The following PCDHA3 variants were observed in gnomAD, a reference collection of about 807,000 sequenced individuals.
The protein encoded by PCDHA3 is protocadherin alpha-3.
In PCDHA3, 41 loss-of-function variants were observed where a neutral mutation model predicts 62.2. That is an observed-to-expected ratio of 0.66 (90% CI 0.51 to 0.86). The LOEUF is 0.86. Ranked by LOEUF, PCDHA3 falls within the 40% of genes least tolerant of loss-of-function variation. The pLI is 0.00. For missense variants in PCDHA3, 1,304 were observed against 1,241.2 expected (o/e 1.05, Z -0.76); for synonymous variants, 640 against 555.4 (o/e 1.15, Z -2.14).
chr5:141,001,461 C>G (rs2098019350), intron 3 of PCDHA3, among the ~76,000 whole-genome samples: 1 of 152,214 alleles, frequency 6.6e-6, no homozygotes, highest in South Asian at 2.1e-4. Context: ...AATTGAAGGA[C>G]TAAGCAGCAG....
At chr5:141,006,528 T>A (rs1161709459) in intron 3 of PCDHA3, among the ~76,000 whole-genome samples, 1 of 152,092 alleles carries the variant, frequency 6.6e-6, no homozygotes, top group African/African-American at 2.4e-5. Context: ...ACATCAGTTT[T>A]TAAAGAGAGA....
rs1296767379 is a variant in PCDHA3 at position 140,898,372 on chromosome 5, T to C, written c.2395-80577T>C. ...ATCTTGAATTAATTTTTGTATAAGG[T>C]GTAAGGAAGGGATCCAGTTTCAGCT... On this transcript the variant is annotated intron_variant, in intron 1 of 3. Coordinates refer to ENST00000522353, the MANE Select transcript of PCDHA3 (RefSeq NM_018906.3). Among the ~76,000 whole-genome samples, 5 of 152,320 alleles carry C rather than the reference T, an allele frequency of 3.3e-5. No individual in the cohort carries two copies. In the East Asian group the frequency reaches 9.6e-4, roughly 29 times the overall value.
intron 1 of PCDHA3, chr5:140,842,822 G>A (rs2150345251): frequency 1.9e-6 from 3 of 1,593,810 alleles, no homozygotes; most frequent in South Asian, 2.2e-5. Context: ...GCGGGTGGGC[G>A]AGCGCTCGCT....
At chr5:140,854,883 G>A (rs1356000756) in intron 1 of PCDHA3, among the ~76,000 whole-genome samples, 2 of 149,592 alleles carry the variant, frequency 1.3e-5, no homozygotes, top group Admixed American at 1.3e-4. Flanking sequence ...TGTCTTTTGG[G>A]CATTTGAAAA....
intron 1 of PCDHA3, chr5:140,830,337 C>G: frequency 6.2e-7 from 1 of 1,614,048 alleles, no homozygotes; most frequent in Non-Finnish European, 8.5e-7. Flanking sequence ...GGGAGCTGGT[C>G]GTACTCGCAG....
chr5:140,843,088 C>A (rs1554139726), intron 1 of PCDHA3: 4 of 1,595,530 alleles, frequency 2.5e-6, no homozygotes, highest in African/African-American at 1.3e-5. Context: ...GCGCGGGCCA[C>A]GTGGTAGCGA....
intron 1 of PCDHA3, among the ~76,000 whole-genome samples, chr5:140,879,490 C>T (rs2058010245): frequency 2.0e-5 from 3 of 152,090 alleles, no homozygotes; most frequent in Admixed American, 2.0e-4. Flanking sequence ...AAATATGGGT[C>T]TGGATCTCAG....
rs782398517 is a variant in PCDHA3, at chr5:140,857,600, G to A, written c.2394+54009G>A. The A allele has an allele frequency of 5.0e-6, 8 of 1,596,228 alleles. No homozygotes were observed. In the African/African-American group the frequency reaches 9.4e-5, roughly 19 times the overall value. ...GCACGCGGAGAGCGGCAAGGTGTAC[G>A]CGCTGCAGCCGCTGGACCACGAGGA... is the stretch of plus-strand genomic sequence containing the variant. On this transcript the variant is annotated intron_variant, in intron 1 of 3. Transcript: ENST00000522353.
chr5:140,848,600 C>A lies in PCDHA3; in HGVS notation c.2394+45009C>A, dbSNP rs2150414065. On this transcript the variant is annotated intron_variant, in intron 1 of 3. Transcript: ENST00000522353. The stretch of plus-strand genomic sequence containing the variant: ...GGAGCGGCCAGCTCCACTACTCCGT[C>A]CCGGAGGAAGCCGAACACGGCACCT... 2.5e-6 allele frequency: 4 copies of A among 1,593,634 alleles called. 1 individual carries two copies. The highest frequency in any genetic ancestry group is 3.4e-6 in the Non-Finnish European group (4 of 1,164,058).
intron 1 of PCDHA3, chr5:140,807,110 A>T: frequency 6.7e-7 from 1 of 1,493,414 alleles, no homozygotes; most frequent in Non-Finnish European, 9.1e-7. Context: ...ATGCAGCTGC[A>T]CTTGACTGAC....
intron 1 of PCDHA3, among the ~76,000 whole-genome samples, chr5:140,953,875 C>T (rs1054189459): frequency 4.6e-5 from 7 of 152,088 alleles, no homozygotes; most frequent in Admixed American, 4.6e-4. Context: ...CTGCACAGAT[C>T]AACCCATCAC....
chr5:140,844,739 T>G (rs1370806912), intron 1 of PCDHA3, among the ~76,000 whole-genome samples: 1 of 149,606 alleles, frequency 6.7e-6, no homozygotes, highest in Non-Finnish European at 1.5e-5. Context: ...ATATTTAGTA[T>G]TATGGGATAA....
rs569501434 is a variant in PCDHA3 at position 140,980,458 on chromosome 5, T to C, written c.2453+1451T>C. Among the ~76,000 whole-genome samples the C allele has an allele frequency of 1.6e-4, 25 of 152,264 alleles. No individual in the cohort carries two copies. The South Asian group carries it at 2.7e-3, about 16-fold the overall frequency. ...CATCCTGGACAACACGGTGAAACCC[T>C]GTCTCTACTAAAAATACAAAAATTA... On this transcript the variant is annotated intron_variant, in intron 2 of 3. Coordinates refer to ENST00000522353, the MANE Select transcript of PCDHA3 (RefSeq NM_018906.3).
intron 1 of PCDHA3, chr5:140,830,054 G>A (rs2150180380): frequency 4.3e-6 from 7 of 1,613,740 alleles, no homozygotes; most frequent in South Asian, 1.1e-5. Flanking sequence ...GAAAGACCAC[G>A]GTGAGCCGGC....
chr5:140,859,875 T>G (rs1554152798), intron 1 of PCDHA3: 1 of 152,066 alleles, frequency 6.6e-6, no homozygotes, highest in East Asian at 1.9e-4. Flanking sequence ...CTTCCCCCTC[T>G]GATATTTTGA....
At chr5:140,855,048 A>G (rs2043321235) in intron 1 of PCDHA3, among the ~76,000 whole-genome samples, 1 of 149,960 alleles carries the variant, frequency 6.7e-6, no homozygotes, top group Admixed American at 6.7e-5. Flanking sequence ...CTGTAATAGT[A>G]CTTTTCTGTT....
intron 1 of PCDHA3, among the ~76,000 whole-genome samples, chr5:140,873,389 T>C (rs2054266406): frequency 6.6e-6 from 1 of 152,220 alleles, no homozygotes; most frequent in Admixed American, 6.5e-5. Flanking sequence ...GACTTGGGAA[T>C]GTTTTCAGTA....
intron 1 of PCDHA3, chr5:140,877,564 G>A (rs782415331): frequency 1.2e-5 from 20 of 1,613,652 alleles, no homozygotes; most frequent in Middle Eastern, 3.3e-4. Context: ...GGATATTAAC[G>A]TGTACCTCAT....
At chr5:140,807,997 C>A (rs1562213724) in intron 1 of PCDHA3, 4 of 1,613,450 alleles carry the variant, frequency 2.5e-6, no homozygotes, top group Middle Eastern at 1.7e-4. Context: ...CAGATTTAGA[C>A]GAAGGATTGA....
Sources: allele counts gnomAD v4.1 joint callset (sites outside exome capture counted in the v4.1 genomes callset), GRCh38; gene constraint gnomAD v4.1.1; transcripts MANE v1.5; gene names NCBI Gene and HGNC (gene_info 2026-07-23, HGNC 2026-07-21).